The following ABHD14B variants were observed in gnomAD, a reference collection of about 807,000 sequenced individuals.
ABHD14B encodes the protein putative protein-lysine deacylase ABHD14B.
In ABHD14B, 19 loss-of-function variants were observed where a neutral mutation model predicts 15.4. That is an observed-to-expected ratio of 1.23 (90% CI 0.86 to 1.81). ABHD14B has a LOEUF of 1.81. ABHD14B is among the 40% of genes most tolerant of loss of function. The probability of loss-of-function intolerance (pLI) is 0.00; values close to 1 mark genes in which losing one functional copy is unlikely to be tolerated. For missense variants in ABHD14B, 243 were observed against 267.0 expected, an observed-to-expected ratio of 0.91 and a Z score of 0.63; for synonymous variants, 92 against 117.3, an observed-to-expected ratio of 0.78 and a Z score of 1.39.
At chr3:51,974,441 T>A (rs564414899), upstream of ABHD14B, 161 of 244,270 alleles carry the variant, frequency 6.6e-4, 1 homozygote, top group African/African-American at 3.5e-3. Context: ...GTTTTCCCAA[T>A]GCCCCCGAGC....
chr3:51,969,970 G>A lies in ABHD14B; in HGVS notation c.426C>T (p.Ile142=). Residue 142 remains isoleucine, a synonymous_variant, in exon 3 of 4, where the codon ATC becomes ATT. Transcript: ENST00000361143. ...TCACACTGGCATAGTTGGCAGCATT[G>A]ATTTTGTCAGTGCAGATGGGGGCCA... ...VPVAPICTDK[I]NAANYASVKT... 6.2e-7 allele frequency: 1 copy of A among 1,614,228 alleles called. No individual in the cohort carries two copies. The highest frequency in any genetic ancestry group is 8.5e-7 in the Non-Finnish European group (1 of 1,180,032).
At chr3:51,971,816 G>A in intron 1 of ABHD14B, 118 bp from the exon 2 acceptor site, 1 of 1,432,960 alleles carries the variant, frequency 7.0e-7, no homozygotes, top group Non-Finnish European at 9.1e-7. Context: ...ACATGCCTTG[G>A]GGTCAGGAGG....
Position 51,968,612 on chromosome 3 carries a change from G to C in ABHD14B, c.*814C>G, listed in dbSNP as rs1464398368. ...GCTTGGCTGAGATGCCTCAGGCCTG[G>C]TAACCTGAGGTGTAGAGCACCCAGA... On this transcript the variant is annotated 3_prime_UTR_variant, in exon 4 of 4. Transcript: ENST00000361143. 1 of 148,918 alleles carries C rather than the reference G, an allele frequency of 6.7e-6. No individual in the cohort carries two copies. The highest frequency in any genetic ancestry group is 1.5e-5 in the Non-Finnish European group (1 of 68,046). The allele number at this position is 148,918 out of a possible 1,614,324, so 9.2% of individuals were successfully genotyped here.
chr3:51,974,156 C>T, upstream of ABHD14B: 2 of 871,422 alleles, frequency 2.3e-6, no homozygotes, highest in South Asian at 1.6e-5. Flanking sequence ...GTTCTCACAG[C>T]GGCGTCAGTT....
Position 51,971,596 on chromosome 3 carries a change from C to A in ABHD14B, c.75G>T (p.Leu25=), listed in dbSNP as rs1474722776. ...QGQALFFREA[L]PGSGQARFSV... ...AGAAGCGAGCCTGCCCACTGCCGGG[C>A]AGGGCCTCTCGGAAGAAGAGGGCCT... Residue 25 remains leucine, a synonymous_variant, in exon 2 of 4, where the codon CTG becomes CTT. Coordinates refer to ENST00000361143, the MANE Select transcript of ABHD14B (RefSeq NM_001146314.2). 1 of 1,613,350 alleles carries A rather than the reference C, an allele frequency of 6.2e-7. No homozygotes were observed. The highest frequency in any genetic ancestry group is 8.5e-7 in the Non-Finnish European group (1 of 1,179,932).
At chr3:51,970,814 G>T (rs748581264) in intron 2 of ABHD14B, 1 of 455,924 alleles carries the variant, frequency 2.2e-6, no homozygotes, top group South Asian at 1.5e-5. Context: ...CCTGGCCTGA[G>T]GGGGTGGGGC....
In ABHD14B at chr3:51,969,304, C is replaced by A; in HGVS notation, c.*122G>T. The A allele has an allele frequency of 1.7e-6, 2 of 1,148,274 alleles. No homozygotes were observed. The highest frequency in any genetic ancestry group is 1.2e-6 in the Non-Finnish European group (1 of 813,842). 71.1% of individuals were successfully genotyped at this position (1,148,274 alleles called of 1,614,324 possible). On this transcript the variant is annotated 3_prime_UTR_variant, in exon 4 of 4. Coordinates refer to ENST00000361143, the MANE Select transcript of ABHD14B (RefSeq NM_001146314.2). ...AAACAGACCACAAAAGACAAGAACC[C>A]AGACATATAGACAGACGCACCTGTT...
At chr3:51,972,341 G>A (rs555491084) in intron 1 of ABHD14B, among the ~76,000 whole-genome samples, 16 of 151,312 alleles carry the variant, frequency 1.1e-4, no homozygotes, top group African/African-American at 1.5e-4. Flanking sequence ...AGGCCGAGGC[G>A]GGCGGATCAC....
At chr3:51,973,918 G>A in intron 1 of ABHD14B, 47 bp downstream of exon 1, 4 of 1,289,826 alleles carry the variant, frequency 3.1e-6, no homozygotes, top group Non-Finnish European at 3.0e-6. Context: ...AGGTGGGGTT[G>A]GATTTTGACT....
chr3:51,969,954 CA>C lies in ABHD14B; in HGVS notation c.441del (p.Tyr147Ter). 6.2e-7 allele frequency: 1 copy of C among 1,614,236 alleles called. No individual in the cohort carries two copies. Among genetic ancestry groups the C allele is most frequent in the South Asian group, 1.1e-5 (1 of 91,090 alleles). On this transcript the variant is annotated frameshift_variant, in exon 3 of 4. Transcript: ENST00000361143. LOFTEE classifies it high-confidence loss of function. ...CCACACAAGGGTACCTTCACACTGG[CA>C]TAGTTGGCAGCATTGATTTTGTCAG... The part of the protein sequence containing the change: ...ICTDKINAAN[Y>X]ASVKTPALIV...
intron 1 of ABHD14B, 62 bp from the exon 2 acceptor site, chr3:51,971,760 A>G (rs781008446): frequency 2.6e-6 from 4 of 1,520,724 alleles, no homozygotes; most frequent in Non-Finnish European, 3.5e-6. Context: ...TGGCAGTCCC[A>G]GAGGAGCAGC....
At chr3:51,971,131 T>C (rs1700644969) in intron 2 of ABHD14B, among the ~76,000 whole-genome samples, 1 of 152,226 alleles carries the variant, frequency 6.6e-6, no homozygotes, top group Non-Finnish European at 1.5e-5. Flanking sequence ...GATTATCTCA[T>C]TCCATTCTCA....
intron 1 of ABHD14B, among the ~76,000 whole-genome samples, chr3:51,972,130 C>G (rs1015672232): frequency 6.6e-6 from 1 of 151,080 alleles, no homozygotes; most frequent in Non-Finnish European, 1.5e-5. Context: ...GCCTGTAGTC[C>G]CAGCTACTCA....
At position 51,969,045 on chromosome 3, in the gene ABHD14B, G is replaced by A; in HGVS notation, c.*381C>T. ...CTGGGGCCTAAGGAGGTGGGGAAGTGGGTGTTGGGGTAAGGGCTGGCCTTC... is the reference window on the plus strand; with the variant it reads ...CTGGGGCCTAAGGAGGTGGGGAAGTAGGTGTTGGGGTAAGGGCTGGCCTTC... On this transcript the variant is annotated 3_prime_UTR_variant, in exon 4 of 4. Coordinates refer to ENST00000361143, the MANE Select transcript of ABHD14B (RefSeq NM_001146314.2). The A allele has an allele frequency of 5.2e-6, 1 of 190,994 alleles. No individual in the cohort carries two copies. 11.8% of individuals were successfully genotyped at this position (190,994 alleles called of 1,614,324 possible). A position where few individuals can be genotyped will look rare whatever the true frequency, so the allele number is the denominator to read the frequency against.
rs1462158991 is a variant in ABHD14B, at chr3:51,971,629, C to T, written c.42G>A (p.Val14=). The change falls in exon 2 of 4, where the codon GTG becomes GTA. Residue 14 remains valine (V), a synonymous_variant. Coordinates refer to ENST00000361143, the MANE Select transcript of ABHD14B (RefSeq NM_001146314.2). Reference sequence around the variant, plus strand: ...CTCGGAAGAAGAGGGCCTGGCCCTGCACCTGGATGGTGCCCTCGCGCTGCT... The same window carrying T: ...CTCGGAAGAAGAGGGCCTGGCCCTGTACCTGGATGGTGCCCTCGCGCTGCT... ...SVEQREGTIQ[V]QGQALFFREA... is the part of the protein sequence containing the mutation. 1 of 1,612,896 alleles carries T rather than the reference C, an allele frequency of 6.2e-7. No homozygotes were observed. The highest frequency in any genetic ancestry group is 8.5e-7 in the Non-Finnish European group (1 of 1,179,780).
Position 51,971,468 on chromosome 3 carries a change from T to A in ABHD14B, c.203A>T (p.Asp68Val). Reference sequence around the variant, plus strand: ...GCCTGCCCCTTAAGTACCTGGCAGGTCAATGGCCACAGCCCGGTAGCCAGC... The same window carrying A: ...GCCTGCCCCTTAAGTACCTGGCAGGACAATGGCCACAGCCCGGTAGCCAGC... ...AQAGYRAVAIDLPGLGHSKEA... is the reference protein window; with the variant it reads ...AQAGYRAVAIVLPGLGHSKEA... Residue 68 changes from aspartate to valine, a missense_variant, in exon 2 of 4, where the codon GAC becomes GTC. Physicochemically the swap from Asp to Val is radical, Grantham distance 152. Transcript: ENST00000361143. 3 of 1,581,318 alleles carry A rather than the reference T, an allele frequency of 1.9e-6. No individual in the cohort carries two copies. The highest frequency in any genetic ancestry group is 2.6e-6 in the Non-Finnish European group (3 of 1,160,462).
chr3:51,972,882 A>G (rs1700682566), intron 1 of ABHD14B, among the ~76,000 whole-genome samples: 1 of 151,850 alleles, frequency 6.6e-6, no homozygotes, highest in East Asian at 1.9e-4. Context: ...ATTTTATTCT[A>G]TTTATTTATT....
At chr3:51,970,732 A>T in intron 2 of ABHD14B, 1 of 456,810 alleles carries the variant, frequency 2.2e-6, no homozygotes. Flanking sequence ...CCTGAAGCTC[A>T]AGCCAACCCA....
intron 1 of ABHD14B, 148 bp from the exon 2 acceptor site, chr3:51,971,846 C>T (rs968518169): frequency 2.2e-6 from 3 of 1,381,732 alleles, no homozygotes; most frequent in Non-Finnish European, 2.8e-6. Flanking sequence ...TTATTTCTGC[C>T]TCTGCCATTT....
Sources: gnomAD v4.1 joint callset for allele counts (sites outside exome capture counted in the v4.1 genomes callset) on GRCh38, gnomAD v4.1.1 for gene constraint, MANE v1.5 for transcripts, NCBI Gene and HGNC (gene_info 2026-07-23, HGNC 2026-07-21) for gene names.